The following F8 variants were observed in gnomAD, a reference collection of about 807,000 sequenced individuals.
The protein encoded by F8 is coagulation factor VIII.
F8 carries 12 observed loss-of-function variants against 140.6 expected under a neutral mutation model. That is an observed-to-expected ratio of 0.09 (90% CI 0.05 to 0.14). The LOEUF is 0.14. Among genes scored for constraint, F8 ranks in the 10% least tolerant of loss-of-function variants. The pLI, the probability that F8 is intolerant of heterozygous loss-of-function variation, is 1.00. For missense variants in F8, 1,354 were observed against 1,720.7 expected, an observed-to-expected ratio of 0.79 and a Z score of 3.77; for synonymous variants, 585 against 614.6, an observed-to-expected ratio of 0.95 and a Z score of 0.71.
intron 1 of F8, among the ~76,000 whole-genome samples, chrX:155,009,135 T>G (rs1347129118): frequency 9.3e-6 from 1 of 107,780 alleles, no homozygotes; most frequent in Non-Finnish European, 1.9e-5. Context: ...CAGGCCGGAC[T>G]GCGGACTGCA....
intron 22 of F8, among the ~76,000 whole-genome samples, chrX:154,869,219 C>T (rs2072753884): frequency 8.9e-6 from 1 of 111,752 alleles, no homozygotes; most frequent in South Asian, 3.7e-4. Context: ...CAGAACTCTC[C>T]ACCCCAAATC....
rs782576763 is a variant in F8 at position 154,981,589 on chromosome X, A to G, written c.787+3098T>C. 3.6e-5 allele frequency among the ~76,000 whole-genome samples: 4 copies of G among 110,838 alleles called. No homozygotes were observed. In the East Asian group the frequency reaches 8.6e-4, roughly 24 times the overall value. On this transcript the variant is annotated intron_variant, in intron 6 of 25. Coordinates refer to ENST00000360256, the MANE Select transcript of F8 (RefSeq NM_000132.4). ...GGCATGGGGCCAGCCACTCTCCAGG[A>G]ACCTCCATGCGTTCAGCTACTCAGA...
At chrX:155,021,449 A>G (rs1304611625) in intron 1 of F8, among the ~76,000 whole-genome samples, 2 of 112,101 alleles carry the variant, frequency 1.8e-5, no homozygotes, top group African/African-American at 6.5e-5. Context: ...AATAAAATAA[A>G]TGATTTCAGC....
chrX:155,005,389 G>A (rs1167152443), intron 1 of F8, among the ~76,000 whole-genome samples: 1 of 108,550 alleles, frequency 9.2e-6, no homozygotes, highest in Non-Finnish European at 1.9e-5. Context: ...AGGGCATGAT[G>A]ACCAGATACC....
chrX:154,925,676 T>C (rs1365757377), intron 14 of F8, among the ~76,000 whole-genome samples: 1 of 112,610 alleles, frequency 8.9e-6, no homozygotes, highest in Non-Finnish European at 1.9e-5. Flanking sequence ...AGGCCCTTTG[T>C]TTTGGCCAAT....
chrX:154,865,562 G>A (rs1225121902), intron 22 of F8, among the ~76,000 whole-genome samples: 2 of 110,389 alleles, frequency 1.8e-5, no homozygotes, highest in East Asian at 2.8e-4. Flanking sequence ...ATATGACGTC[G>A]ATTACATAAA....
intron 25 of F8, among the ~76,000 whole-genome samples, chrX:154,849,599 C>CT (rs1277076488): frequency 5.8e-5 from 6 of 103,641 alleles, no homozygotes; most frequent in African/African-American, 2.1e-4. Context: ...GCTACTTTTG[C>CT]TTTTTTATCA....
rs35702375 is a variant in F8, at chrX:154,929,797, C to G, written c.3993G>C (p.Lys1331Asn). The G allele has an allele frequency of 8.3e-7, 1 of 1,211,716 alleles. No individual in the cohort carries two copies. Among genetic ancestry groups the G allele is most frequent in the East Asian group, 3.0e-5 (1 of 33,857 alleles). Residue 1331 changes from lysine to asparagine, a missense_variant, in exon 14 of 26, where the codon AAG becomes AAC. Lys to Asn is a moderately conservative substitution (Grantham distance 94). This residue lies in a region of F8 where 658 missense variants were observed against 666.5 expected (regional missense o/e 0.99). Coordinates refer to ENST00000360256, the MANE Select transcript of F8 (RefSeq NM_000132.4). ...SQQNFVTQRS[K>N]RALKQFRLPL... ...GGAGTCTGAATTGTTTCAAAGCTCT[C>G]TTACTACGTTGCGTGACAAAATTCT...
intron 25 of F8, among the ~76,000 whole-genome samples, chrX:154,840,204 T>C (rs2148556925): frequency 8.9e-6 from 1 of 112,372 alleles, no homozygotes; most frequent in Non-Finnish European, 1.9e-5. Context: ...CAAGCTTTTA[T>C]CCAATGGTAT....
chrX:154,871,569 C>T (rs782134318), intron 22 of F8, among the ~76,000 whole-genome samples: 19 of 112,063 alleles, frequency 1.7e-4, no homozygotes, highest in Admixed American at 3.8e-4. Context: ...AATACTTAAA[C>T]GTAAGACCTA....
chrX:154,880,632 G>A (rs188220768), intron 22 of F8, among the ~76,000 whole-genome samples: 369 of 112,222 alleles, frequency 3.3e-3, no homozygotes, highest in Non-Finnish European at 5.3e-3. Flanking sequence ...CCATGTACAT[G>A]TAAAAAATGC....
rs1447324329 is a variant in F8, at chrX:154,836,402, T to C, written c.*1195A>G. 1 of 110,921 alleles carries C rather than the reference T, an allele frequency of 9.0e-6. No individual in the cohort carries two copies. Among genetic ancestry groups the C allele is most frequent in the Non-Finnish European group, 1.9e-5 (1 of 52,961 alleles). The allele number at this position is 110,921 out of a possible 1,213,427, so 9.1% of individuals were successfully genotyped here. On this transcript the variant is annotated 3_prime_UTR_variant, in exon 26 of 26. Coordinates refer to ENST00000360256, the MANE Select transcript of F8 (RefSeq NM_000132.4). ...TAAACCCTTCACAATCTTATGGGGG[T>C]GGAGGGCAAGAAGGGGGATCCTATT...
chrX:154,841,039 A>G (rs2072515898), intron 25 of F8, among the ~76,000 whole-genome samples: 1 of 111,419 alleles, frequency 9.0e-6, no homozygotes, highest in African/African-American at 3.3e-5. Context: ...GCAGGCAGAC[A>G]TGAGGGCTGG....
intron 11 of F8, 64 bp from the exon 12 acceptor site, chrX:154,954,106 C>T: frequency 9.1e-7 from 1 of 1,094,419 alleles, no homozygotes; most frequent in Non-Finnish European, 1.3e-6. Flanking sequence ...TAGGAGCTAG[C>T]AGTCTATGAT....
chrX:154,863,044 G>A (rs1557272961), intron 23 of F8, 39 bp downstream of exon 23: 2 of 1,196,615 alleles, frequency 1.7e-6, no homozygotes, highest in Non-Finnish European at 2.3e-6. Context: ...CCCTACCCAT[G>A]GTTGAGGGAA....
At chrX:154,892,695 A>G (rs187370613) in intron 22 of F8, among the ~76,000 whole-genome samples, 6 of 112,140 alleles carry the variant, frequency 5.4e-5, no homozygotes, top group Non-Finnish European at 1.1e-4. Context: ...TAATTTGTGG[A>G]AGGTTTAATA....
intron 14 of F8, among the ~76,000 whole-genome samples, chrX:154,926,564 T>C (rs1192098053): frequency 9.0e-6 from 1 of 110,717 alleles, no homozygotes; most frequent in Non-Finnish European, 1.9e-5. Context: ...TTAATAGAGA[T>C]GAGGTTTTGC....
Position 154,928,934 on chromosome X carries a change from G to A in F8, c.4856C>T (p.Ser1619Phe). Residue 1619 changes from serine to phenylalanine, a missense_variant, in exon 14 of 26, where the codon TCC (serine) becomes TTC (phenylalanine). Transcript: ENST00000360256. The stretch of plus-strand genomic sequence containing the variant: ...ATGATTGCTTTCACAAGCGTTCAGG[G>A]ACAAAATGGTATCCTTTTTCTTAAA... ...TAFKKKDTIL[S>F]LNACESNHAI... 1 of 1,211,334 alleles carries A rather than the reference G, an allele frequency of 8.3e-7. No homozygotes were observed.
intron 25 of F8, among the ~76,000 whole-genome samples, chrX:154,838,817 C>T (rs921877565): frequency 9.0e-6 from 1 of 111,352 alleles, no homozygotes; most frequent in East Asian, 2.8e-4. Context: ...GAACAAAAGA[C>T]GTTTGGGCCA....
Sources: allele counts gnomAD v4.1 joint callset (sites outside exome capture counted in the v4.1 genomes callset), GRCh38; gene constraint gnomAD v4.1.1; regional missense constraint gnomAD v4.1.1; transcripts MANE v1.5; gene names NCBI Gene and HGNC (gene_info 2026-07-23, HGNC 2026-07-21).